Variants in LGSN observed in about 807,000 individuals in gnomAD.
LGSN encodes the protein lengsin, lens protein with glutamine synthetase domain.
LGSN carries 21 observed loss-of-function variants against 19.5 expected under a neutral mutation model. That is an observed-to-expected ratio of 1.07 (90% CI 0.76 to 1.55). The LOEUF (loss-of-function observed/expected upper bound fraction) is 1.55. LGSN is among the 40% of genes most tolerant of loss of function. The pLI is 0.00. For synonymous variants in LGSN, 257 were observed against 215.6 expected, an observed-to-expected ratio of 1.19 and a Z score of -1.68; for missense variants, 673 against 608.5, an observed-to-expected ratio of 1.11 and a Z score of -1.12.
At chr6:63,534,557 A>G in the LGSN span, among the ~76,000 whole-genome samples, 2 of 152,066 alleles carry the variant, frequency 1.3e-5, no homozygotes, top group Non-Finnish European at 2.9e-5. Context: ...GCTCAAGTCT[A>G]TAATCGCAGC....
intron 1 of LGSN, among the ~76,000 whole-genome samples, chr6:63,295,529 A>C (rs1767951860): frequency 6.6e-6 from 1 of 152,206 alleles, no homozygotes; most frequent in South Asian, 2.1e-4. Context: ...GCAATTAATA[A>C]TTGCATCAAT....
chr6:63,533,654 T>A, the LGSN span, among the ~76,000 whole-genome samples: 4 of 152,098 alleles, frequency 2.6e-5, no homozygotes, highest in African/African-American at 7.2e-5. Context: ...AATAGCAAAT[T>A]AGAATAAATG....
chr6:63,429,120 T>C, the LGSN span, among the ~76,000 whole-genome samples: 2 of 152,164 alleles, frequency 1.3e-5, no homozygotes, highest in South Asian at 4.1e-4. Context: ...ATGGTCCCAT[T>C]AGCACAAAGT....
chr6:63,417,817 G>T, the LGSN span, among the ~76,000 whole-genome samples: 1 of 152,180 alleles, frequency 6.6e-6, no homozygotes, highest in Admixed American at 6.5e-5. Context: ...TAGATACAGT[G>T]ACAGTGTGAC....
chr6:63,417,828 T>C, the LGSN span, among the ~76,000 whole-genome samples: 5 of 152,314 alleles, frequency 3.3e-5, no homozygotes, highest in East Asian at 9.7e-4. Context: ...ACAGTGTGAC[T>C]ATAACTTGAT....
At chr6:63,432,165 GAAAGAAAAGGAAA>G in the LGSN span, among the ~76,000 whole-genome samples, 48 of 84,712 alleles carry the variant, frequency 5.7e-4, 2 homozygotes, top group Non-Finnish European at 9.3e-4. Context: ...AAGAAAGAAA[GAAAGAAAAGGAAA>G]GAAAGAAAAG....
At chr6:63,408,295 G>A in the LGSN span, among the ~76,000 whole-genome samples, 1 of 150,762 alleles carries the variant, frequency 6.6e-6, no homozygotes, top group Non-Finnish European at 1.5e-5. Flanking sequence ...CAAGGCTACA[G>A]TAACCAAAAC....
the LGSN span, among the ~76,000 whole-genome samples, chr6:63,368,006 G>T: frequency 2.0e-5 from 3 of 151,074 alleles, no homozygotes; most frequent in Non-Finnish European, 4.4e-5. Context: ...CGAGTTAAGG[G>T]GTACAGCACA....
the LGSN span, among the ~76,000 whole-genome samples, chr6:63,363,830 A>G: frequency 6.6e-6 from 1 of 152,196 alleles, no homozygotes; most frequent in Non-Finnish European, 1.5e-5. Context: ...CCAAATTCAA[A>G]TTCAGGAAAT....
At chr6:63,514,582 G>C in the LGSN span, among the ~76,000 whole-genome samples, 1 of 152,170 alleles carries the variant, frequency 6.6e-6, no homozygotes, top group Non-Finnish European at 1.5e-5. Context: ...TCTGTAAGTT[G>C]TCACAACAAT....
chr6:63,319,811 T>G lies in LGSN; in HGVS notation c.30+103A>C, dbSNP rs1250013561. The stretch of plus-strand genomic sequence containing the variant: ...CTGAGTGGACATATAACAAGTATAA[T>G]TATGCTGCCCTTATTCTTACTGGCA... On this transcript the variant is annotated intron_variant, in intron 1 of 3. Transcript: ENST00000370657. The G allele has an allele frequency of 3.8e-6, 3 of 795,606 alleles. No homozygotes were observed. The Admixed American group carries it at 5.9e-5, about 16-fold the overall frequency. The allele number at this position is 795,606 out of a possible 1,614,324, so 49.3% of individuals were successfully genotyped here.
intron 1 of LGSN, among the ~76,000 whole-genome samples, chr6:63,306,636 C>G (rs975233660): frequency 4.6e-5 from 7 of 152,200 alleles, no homozygotes; most frequent in African/African-American, 1.7e-4. Context: ...CAGTTAAGGG[C>G]CTCCATGTTG....
At chr6:63,478,122 T>C in the LGSN span, among the ~76,000 whole-genome samples, 4 of 152,174 alleles carry the variant, frequency 2.6e-5, no homozygotes, top group Non-Finnish European at 5.9e-5. Flanking sequence ...TCTTATACTG[T>C]AAAGATTTAT....
chr6:63,378,362 T>G, the LGSN span, among the ~76,000 whole-genome samples: 1 of 152,008 alleles, frequency 6.6e-6, no homozygotes, highest in African/African-American at 2.4e-5. Context: ...GTCATATGCT[T>G]CTCCCACCCC....
chr6:63,330,112 C>T, the LGSN span, among the ~76,000 whole-genome samples: 2 of 152,232 alleles, frequency 1.3e-5, no homozygotes, highest in Admixed American at 1.3e-4. Context: ...CCCAGGGAAC[C>T]TTCATCCTCT....
At chr6:63,299,299 G>C (rs886260247) in intron 1 of LGSN, among the ~76,000 whole-genome samples, 1 of 152,148 alleles carries the variant, frequency 6.6e-6, no homozygotes, top group African/African-American at 2.4e-5. Flanking sequence ...TGTGCAGCAG[G>C]AAGAGAGGAA....
the LGSN span, among the ~76,000 whole-genome samples, chr6:63,450,839 A>AT: frequency 6.6e-6 from 1 of 151,708 alleles, no homozygotes; most frequent in Non-Finnish European, 1.5e-5. Context: ...CACCTGGCCA[A>AT]TTTTTTGTAT....
At chr6:63,487,705 G>A in the LGSN span, among the ~76,000 whole-genome samples, 24 of 152,306 alleles carry the variant, frequency 1.6e-4, no homozygotes, top group East Asian at 3.7e-3. Context: ...ACAGGGCTGA[G>A]CGTGGTTGCT....
the LGSN span, among the ~76,000 whole-genome samples, chr6:63,387,263 T>C: frequency 6.6e-6 from 1 of 152,156 alleles, no homozygotes; most frequent in African/African-American, 2.4e-5. Flanking sequence ...TCCTCTTCCA[T>C]GAATTCAACC....
Sources: allele counts gnomAD v4.1 joint callset (sites outside exome capture counted in the v4.1 genomes callset), GRCh38; gene constraint gnomAD v4.1.1; transcripts MANE v1.5; gene names NCBI Gene and HGNC (gene_info 2026-07-23, HGNC 2026-07-21).